ARCN1: variants seen among roughly 807,000 people sequenced by gnomAD.
ARCN1 encodes archain 1 coat protein complex I subunit delta, also known as coatomer subunit delta.
A neutral mutation model predicts 60.4 loss-of-function variants in ARCN1; 5 were observed. That is an observed-to-expected ratio of 0.08 (90% CI 0.04 to 0.17). ARCN1 has a LOEUF of 0.17. Among genes scored for constraint, ARCN1 ranks in the 10% least tolerant of loss-of-function variants. ARCN1 has a pLI of 1.00. For missense variants in ARCN1, 464 were observed against 626.5 expected, an observed-to-expected ratio of 0.74 and a Z score of 2.77; for synonymous variants, 224 against 220.0, an observed-to-expected ratio of 1.02 and a Z score of -0.16.
chr11:118,598,469 G>T (rs976945819), intron 9 of ARCN1, among the ~76,000 whole-genome samples: 2 of 149,354 alleles, frequency 1.3e-5, no homozygotes, highest in Admixed American at 6.7e-5. Context: ...CAATGGAGAT[G>T]TGTGAGCTGT....
At position 118,601,749 on chromosome 11, in the gene ARCN1, TTG is replaced by T. The variant is rs782809219; in HGVS notation, c.*1039_*1040del. On this transcript the variant is annotated 3_prime_UTR_variant, in exon 10 of 10. Transcript: ENST00000264028. Reference sequence around the variant, plus strand: ...TTTAGAACAGTACCATGAATCCCACTTGTGTCAATATTAAAGATAGCTGAGAA... The same window carrying T: ...TTTAGAACAGTACCATGAATCCCACTTGTCAATATTAAAGATAGCTGAGAA... 4.3e-6 allele frequency: 3 copies of T among 702,852 alleles called. No homozygotes were observed. 43.5% of individuals were successfully genotyped at this position (702,852 alleles called of 1,614,324 possible).
At chr11:118,593,538 C>T in intron 7 of ARCN1, 52 bp from the exon 8 acceptor site, 1 of 1,338,108 alleles carries the variant, frequency 7.5e-7, no homozygotes, top group Non-Finnish European at 1.1e-6. Flanking sequence ...AGCCACTGCA[C>T]CCAGCCATCT....
At chr11:118,584,352 C>G in intron 4 of ARCN1, 128 bp from the exon 5 acceptor site, 1 of 844,326 alleles carries the variant, frequency 1.2e-6, no homozygotes, top group Non-Finnish European at 1.7e-6. Flanking sequence ...TGTGAATTAC[C>G]CAAAATTATA....
chr11:118,581,621 AC>A, intron 2 of ARCN1, 112 bp downstream of exon 2: 1 of 1,058,282 alleles, frequency 9.4e-7, no homozygotes, highest in Non-Finnish European at 1.4e-6. Flanking sequence ...CCTACTCCGC[AC>A]CCCAGCGACT....
chr11:118,585,668 T>A (rs1295811059), intron 5 of ARCN1, among the ~76,000 whole-genome samples: 1 of 152,104 alleles, frequency 6.6e-6, no homozygotes, highest in Non-Finnish European at 1.5e-5. Flanking sequence ...GCCTCCCAAG[T>A]AGCTGGGACT....
At chr11:118,589,186 A>AG (rs1938841813) in intron 5 of ARCN1, among the ~76,000 whole-genome samples, 1 of 152,162 alleles carries the variant, frequency 6.6e-6, no homozygotes, top group African/African-American at 2.4e-5. Flanking sequence ...TTAATGGTTC[A>AG]GGGAAAAAAA....
intron 5 of ARCN1, among the ~76,000 whole-genome samples, chr11:118,588,538 C>T (rs781968604): frequency 5.9e-5 from 9 of 152,160 alleles, no homozygotes; most frequent in Admixed American, 1.3e-4. Context: ...GTTGACAGAT[C>T]GGATACAATT....
At chr11:118,579,975 T>C (rs1425982401) in intron 1 of ARCN1, among the ~76,000 whole-genome samples, 1 of 152,110 alleles carries the variant, frequency 6.6e-6, no homozygotes, top group African/African-American at 2.4e-5. Context: ...TTATATAATA[T>C]TAGGATAGTT....
chr11:118,581,127 ATAC>A, intron 1 of ARCN1, 116 bp from the exon 2 acceptor site: 1 of 1,317,710 alleles, frequency 7.6e-7, no homozygotes, highest in Non-Finnish European at 1.1e-6. Context: ...CTTAAAAATA[ATAC>A]TACTACTAGT....
rs543309206 is a variant in ARCN1, at chr11:118,591,738, G to GTT, written c.985-961_985-960dup. Among the ~76,000 whole-genome samples, 154 of 140,144 alleles carry GTT rather than the reference G, an allele frequency of 1.1e-3. 1 individual carries two copies. The East Asian group carries it at 0.013, about 12-fold the overall frequency. The allele number at this position is 140,144 out of a possible 152,430, so 91.9% of individuals were successfully genotyped here. On this transcript the variant is annotated intron_variant, in intron 6 of 9. Coordinates refer to ENST00000264028, the MANE Select transcript of ARCN1 (RefSeq NM_001655.5). The stretch of plus-strand genomic sequence containing the variant: ...GTCTTGTTTTTTTGTTCTTTTTTTT[G>GTT]TTTTTTTTTTTGTTTTTGCACAGTC...
chr11:118,579,018 T>C (rs977646827), intron 1 of ARCN1, among the ~76,000 whole-genome samples: 9 of 151,734 alleles, frequency 5.9e-5, no homozygotes, highest in Non-Finnish European at 1.0e-4. Context: ...GTGCTACAAG[T>C]TGTATAGCAC....
At position 118,583,466 on chromosome 11, in the gene ARCN1, T is replaced by C. The variant is rs1938705692; in HGVS notation, c.447+108T>C. ...CTAATGTAGACTGTATTCAAAACTA[T>C]GTCCAGGCTAGGCACAGTGGCTCAT... On this transcript the variant is annotated intron_variant, in intron 3 of 9. Coordinates refer to ENST00000264028, the MANE Select transcript of ARCN1 (RefSeq NM_001655.5). The C allele has an allele frequency of 8.4e-6, 11 of 1,311,992 alleles. No homozygotes were observed. The South Asian group carries it at 1.6e-4, about 19-fold the overall frequency. The allele number at this position is 1,311,992 out of a possible 1,614,324, so 81.3% of individuals were successfully genotyped here.
intron 6 of ARCN1, among the ~76,000 whole-genome samples, chr11:118,592,489 G>A (rs1555076451): frequency 6.6e-6 from 1 of 152,002 alleles, no homozygotes; most frequent in African/African-American, 2.4e-5. Context: ...TTTTAGAGTT[G>A]AAATTAGCTT....
rs1555076677 is a variant in ARCN1 at position 118,593,637 on chromosome 11, G to C, written c.1180G>C (p.Glu394Gln). 6.2e-7 allele frequency: 1 copy of C among 1,613,660 alleles called. No homozygotes were observed. Among genetic ancestry groups the C allele is most frequent in the African/African-American group, 1.3e-5 (1 of 74,878 alleles). Residue 394 changes from glutamate to glutamine, a missense_variant, in exon 8 of 10, where the codon GAA becomes CAA. Physicochemically the swap from Glu to Gln is conservative, Grantham distance 29. Transcript: ENST00000264028. ...TGGAAATGGCTGTGATGTCAACATA[G>C]AATATGAGCTACAAGAAGATAATTT... ...ESGNGCDVNIEYELQEDNLEL... is the reference protein window; with the variant it reads ...ESGNGCDVNIQYELQEDNLEL...
intron 8 of ARCN1, chr11:118,593,950 A>G (rs113337722): frequency 0.03 from 9,559 of 316,678 alleles, 229 homozygotes; most frequent in Non-Finnish European, 0.038. Flanking sequence ...GAGGGGCACA[A>G]GGGAACTTTT....
chr11:118,574,726 A>G (rs1462941770), intron 1 of ARCN1, among the ~76,000 whole-genome samples: 1 of 152,050 alleles, frequency 6.6e-6, no homozygotes, highest in Admixed American at 6.6e-5. Context: ...TGACTTCATC[A>G]TAAAATAAAG....
chr11:118,597,863 C>T lies in ARCN1; in HGVS notation c.1398C>T (p.Phe466=). ...FSIAGQPNDF[F]PVQVSFVSKK... ...TTGCTGGGCAGCCCAATGACTTCTT[C>T]CCTGTTCAAGTTTCCTTTGTCTCCA... is the stretch of plus-strand genomic sequence containing the variant. Residue 466 remains phenylalanine (F), a synonymous_variant, in exon 9 of 10, where the codon TTC becomes TTT. Transcript: ENST00000264028. 6.2e-7 allele frequency: 1 copy of T among 1,614,174 alleles called. No homozygotes were observed.
At chr11:118,573,498 C>G in intron 1 of ARCN1, 2 of 514,614 alleles carry the variant, frequency 3.9e-6, no homozygotes, top group Non-Finnish European at 7.0e-6. Flanking sequence ...TGTGGATATT[C>G]ATGAAGTAGT....
In ARCN1 at chr11:118,593,603, C is replaced by T. The variant is rs782814776; in HGVS notation, c.1146C>T (p.Pro382=). 3 of 1,612,094 alleles carry T rather than the reference C, an allele frequency of 1.9e-6. No individual in the cohort carries two copies. In the South Asian group the frequency reaches 3.3e-5, roughly 18 times the overall value. Residue 382 remains proline (P), a synonymous_variant, in exon 8 of 10, where the codon CCC becomes CCT. Coordinates refer to ENST00000264028, the MANE Select transcript of ARCN1 (RefSeq NM_001655.5). ...CTTTCTCCTCAGTTAATTGCTGGCC[C>T]TCGGAGAGTGGAAATGGCTGTGATG... ...SFIPLTINCW[P]SESGNGCDVN...
Sources: gnomAD v4.1 joint callset for allele counts (sites outside exome capture counted in the v4.1 genomes callset) on GRCh38, gnomAD v4.1.1 for gene constraint, MANE v1.5 for transcripts, NCBI Gene and HGNC (gene_info 2026-07-23, HGNC 2026-07-21) for gene names.